DEFB104A: variants seen among roughly 807,000 people sequenced by gnomAD.
DEFB104A encodes the protein beta-defensin 104.
At chr8:7,837,075 T>C (rs1310218301) in intron 1 of DEFB104A, among the ~76,000 whole-genome samples, 1 of 141,550 alleles carries the variant, frequency 7.1e-6, no homozygotes, top group African/African-American at 2.7e-5. Flanking sequence ...CGTAATTTAC[T>C]GACAACACAA....
chr8:7,837,074 C>T (rs1176506277), intron 1 of DEFB104A, among the ~76,000 whole-genome samples: 1 of 141,504 alleles, frequency 7.1e-6, no homozygotes, highest in African/African-American at 2.7e-5. Context: ...ACGTAATTTA[C>T]TGACAACACA....
intron 1 of DEFB104A, among the ~76,000 whole-genome samples, chr8:7,837,336 T>C (rs1454365016): frequency 7.2e-6 from 1 of 138,950 alleles, no homozygotes; most frequent in Non-Finnish European, 1.5e-5. Flanking sequence ...CCAATTGTTT[T>C]GACTCGTAGA....
chr8:7,837,389 G>A (rs1044444052), intron 1 of DEFB104A, among the ~76,000 whole-genome samples: 7 of 141,922 alleles, frequency 4.9e-5, no homozygotes, highest in Non-Finnish European at 4.6e-5. Context: ...TCAATTTTAT[G>A]GGGCTTTGAC....
chr8:7,837,369 A>G (rs1268436806), intron 1 of DEFB104A, among the ~76,000 whole-genome samples: 4 of 140,816 alleles, frequency 2.8e-5, no homozygotes, highest in Non-Finnish European at 6.1e-5. Flanking sequence ...TTCTCTTCCA[A>G]GCTGCTCAGT....
At position 7,839,182 on chromosome 8, in the gene DEFB104A, G is replaced by C. The variant is rs1335751584; in HGVS notation, c.59-1852G>C. Among the ~76,000 whole-genome samples, 6 of 145,890 alleles carry C rather than the reference G, an allele frequency of 4.1e-5. No homozygotes were observed. In the East Asian group the frequency reaches 1.2e-3, roughly 29 times the overall value. On this transcript the variant is annotated intron_variant, in intron 1 of 1. Transcript: ENST00000314265. The stretch of plus-strand genomic sequence containing the variant: ...ATCTCTAAATAGATGGCCTGTGAGG[G>C]CTTGTTTGAAACTGACAGTCTAACA...
At chr8:7,838,595 G>C (rs1440367878) in intron 1 of DEFB104A, among the ~76,000 whole-genome samples, 1 of 145,656 alleles carries the variant, frequency 6.9e-6, no homozygotes, top group African/African-American at 2.5e-5. Flanking sequence ...CAGGAGAATC[G>C]CTTGAACCCA....
chr8:7,839,026 T>G (rs1817704546), intron 1 of DEFB104A, among the ~76,000 whole-genome samples: 1 of 143,096 alleles, frequency 7.0e-6, no homozygotes, highest in Non-Finnish European at 1.6e-5. Context: ...GTGTATGGAC[T>G]GCATTCTCCC....
chr8:7,838,688 C>A (rs529606605), intron 1 of DEFB104A, among the ~76,000 whole-genome samples: 19 of 48,852 alleles, frequency 3.9e-4, no homozygotes, highest in East Asian at 3.0e-3. Flanking sequence ...TCAAAAAAAA[C>A]CAAAAAAACA....
intron 1 of DEFB104A, among the ~76,000 whole-genome samples, chr8:7,839,101 A>C (rs1483928063): frequency 2.1e-5 from 3 of 144,350 alleles, no homozygotes; most frequent in African/African-American, 7.4e-5. Context: ...GCTTTGACAC[A>C]TAAGTTGCTG....
At chr8:7,837,020 G>C (rs1416447641) in intron 1 of DEFB104A, among the ~76,000 whole-genome samples, 1 of 142,556 alleles carries the variant, frequency 7.0e-6, no homozygotes, top group Non-Finnish European at 1.5e-5. Context: ...TATCAAGTCA[G>C]ATGATTAGGG....
intron 1 of DEFB104A, among the ~76,000 whole-genome samples, chr8:7,839,228 T>A (rs1817709490): frequency 6.9e-6 from 1 of 145,864 alleles, no homozygotes; most frequent in Non-Finnish European, 1.5e-5. Flanking sequence ...TGTGTTCTCT[T>A]CCTAGTCTAT....
At chr8:7,837,306 C>A (rs1386154426) in intron 1 of DEFB104A, among the ~76,000 whole-genome samples, 5 of 136,948 alleles carry the variant, frequency 3.7e-5, no homozygotes, top group Admixed American at 2.3e-4. Flanking sequence ...CTTAACAAGT[C>A]TAGCAGTGCT....
At position 7,836,681 on chromosome 8, in the gene DEFB104A, A is replaced by G. The variant is rs1340199534; in HGVS notation, c.58+139A>G. On this transcript the variant is annotated intron_variant, in intron 1 of 1. Transcript: ENST00000314265. The stretch of plus-strand genomic sequence containing the variant: ...CTCAGCCTTTTTTCTCTTTGCTTTC[A>G]TTGGGTCCATTAGTAAAATGCAGTA... 4 of 1,199,962 alleles carry G rather than the reference A, an allele frequency of 3.3e-6. No homozygotes were observed. The African/African-American group carries it at 5.0e-5, about 15-fold the overall frequency. The allele number at this position is 1,199,962 out of a possible 1,614,324, so 74.3% of individuals were successfully genotyped here.
intron 1 of DEFB104A, among the ~76,000 whole-genome samples, chr8:7,839,229 C>G (rs1270583899): frequency 6.9e-6 from 1 of 145,742 alleles, no homozygotes; most frequent in Non-Finnish European, 1.5e-5. Context: ...GTGTTCTCTT[C>G]CTAGTCTATT....
chr8:7,838,603 C>G (rs1293882812), intron 1 of DEFB104A, among the ~76,000 whole-genome samples: 2 of 145,914 alleles, frequency 1.4e-5, no homozygotes, highest in African/African-American at 5.0e-5. Context: ...TCGCTTGAAC[C>G]CAAGAGGTGG....
intron 1 of DEFB104A, among the ~76,000 whole-genome samples, chr8:7,840,328 ATCTATG>A (rs1817737469): frequency 8.3e-6 from 1 of 120,936 alleles, no homozygotes; most frequent in Admixed American, 9.3e-5. Context: ...ACATATCTAT[ATCTATG>A]TCTATGTTTG....
intron 1 of DEFB104A, among the ~76,000 whole-genome samples, chr8:7,838,981 T>C (rs2128924786): frequency 7.0e-6 from 1 of 142,600 alleles, no homozygotes; most frequent in South Asian, 2.2e-4. Context: ...CTGGAATGTA[T>C]TTATTGCTTA....
chr8:7,840,366 G>GTA (rs1355505115), intron 1 of DEFB104A, among the ~76,000 whole-genome samples: 2,963 of 55,246 alleles, frequency 0.054, 8 homozygotes, highest in Middle Eastern at 0.086. Flanking sequence ...CTCTATATAT[G>GTA]TGTATATATA....
In DEFB104A at chr8:7,837,565, T is replaced by C. The variant is rs145387511; in HGVS notation, c.58+1023T>C. Among the ~76,000 whole-genome samples the C allele has an allele frequency of 1.6e-3, 228 of 140,528 alleles. 12 individuals are homozygous for C. The highest frequency in any genetic ancestry group is 5.8e-3 in the African/African-American group (215 of 37,304). 92.2% of individuals were successfully genotyped at this position (140,528 alleles called of 152,430 possible). A position where few individuals can be genotyped will look rare whatever the true frequency, so the allele number is the denominator to read the frequency against. Reference sequence around the variant, plus strand: ...CTTCTGTGAAATTCTGCTATGGGCATGTTCCAGGTCTGTTAAAATATGATA... The same window carrying C: ...CTTCTGTGAAATTCTGCTATGGGCACGTTCCAGGTCTGTTAAAATATGATA... On this transcript the variant is annotated intron_variant, in intron 1 of 1. Transcript: ENST00000314265.
Sources: allele counts gnomAD v4.1 joint callset (sites outside exome capture counted in the v4.1 genomes callset), GRCh38; gene constraint gnomAD v4.1.1; transcripts MANE v1.5; gene names NCBI Gene and HGNC (gene_info 2026-07-23, HGNC 2026-07-21).